MYO5B: variants seen among roughly 807,000 people sequenced by gnomAD.
MYO5B encodes the protein unconventional myosin-Vb.
In MYO5B, 143 loss-of-function variants were observed where a neutral mutation model predicts 229.3. That is an observed-to-expected ratio of 0.62 (90% CI 0.54 to 0.72). MYO5B has a LOEUF of 0.72. MYO5B is among the 30% of genes least tolerant of loss of function. MYO5B has a pLI of 0.00. For missense variants in MYO5B, 2,321 were observed against 2,331.0 expected (o/e 1.00, Z 0.09); for synonymous variants, 918 against 885.2 (o/e 1.04, Z -0.66).
chr18:49,978,210 G>A (rs1395497763), intron 9 of MYO5B, among the ~76,000 whole-genome samples: 1 of 152,068 alleles, frequency 6.6e-6, no homozygotes, highest in Non-Finnish European at 1.5e-5. Context: ...GCCTCCCTAA[G>A]AGGCCCTGAT....
At chr18:50,137,343 A>C (rs2032351831) in intron 1 of MYO5B, among the ~76,000 whole-genome samples, 1 of 152,208 alleles carries the variant, frequency 6.6e-6, no homozygotes, top group African/African-American at 2.4e-5. Context: ...AAACCCAAAG[A>C]TGACTAAGAC....
At chr18:49,948,324 G>A (rs772861776) in intron 14 of MYO5B, among the ~76,000 whole-genome samples, 1 of 152,130 alleles carries the variant, frequency 6.6e-6, no homozygotes, top group Non-Finnish European at 1.5e-5. Context: ...GGTACCCTTT[G>A]GAGGGAAAAA....
At chr18:50,022,286 C>T (rs76061666) in intron 4 of MYO5B, among the ~76,000 whole-genome samples, 68 of 152,338 alleles carry the variant, frequency 4.5e-4, no homozygotes, top group Non-Finnish European at 8.2e-4. Context: ...TGTGATTCCA[C>T]TGCCAAATCT....
chr18:50,122,626 AGGG>A (rs150715257), intron 1 of MYO5B, among the ~76,000 whole-genome samples: 4,134 of 8,842 alleles, frequency 0.47, 726 homozygotes, highest in Middle Eastern at 0.58. Flanking sequence ...GAGGGAGGGA[AGGG>A]GGGGGGAGAG....
intron 13 of MYO5B, 70 bp from the exon 14 acceptor site, chr18:49,953,413 C>T: frequency 7.4e-7 from 1 of 1,358,450 alleles, no homozygotes. Context: ...ACTTTCATCT[C>T]ATCCAGGTAG....
rs374498424 is a variant in MYO5B, at chr18:49,936,779, T to C, written c.1906-430A>G. Among the ~76,000 whole-genome samples the C allele has an allele frequency of 8.5e-5, 13 of 152,268 alleles. 1 individual carries two copies. The South Asian group carries it at 1.5e-3, about 17-fold the overall frequency. Reference sequence around the variant, plus strand: ...CTAAATGTCCAGAATGGCAAACTCATAGGAACAAATGTTAGGTGGTGGCTG... The same window carrying C: ...CTAAATGTCCAGAATGGCAAACTCACAGGAACAAATGTTAGGTGGTGGCTG... On this transcript the variant is annotated intron_variant, in intron 15 of 39. Transcript: ENST00000285039.
At chr18:49,975,522 T>C (rs533972521) in intron 9 of MYO5B, among the ~76,000 whole-genome samples, 1 of 152,256 alleles carries the variant, frequency 6.6e-6, no homozygotes, top group South Asian at 2.1e-4. Flanking sequence ...GCTAAAATCA[T>C]AGAAACTGAA....
Position 50,016,647 on chromosome 18 carries a change from A to G in MYO5B, c.456-15236T>C, listed in dbSNP as rs184800865. On this transcript the variant is annotated intron_variant, in intron 4 of 39. Transcript: ENST00000285039. ...CCAAATCTGTCACTTTGCCTTATTTATGGTGACATCTGAGATGTAATTCAT... is the reference window on the plus strand; with the variant it reads ...CCAAATCTGTCACTTTGCCTTATTTGTGGTGACATCTGAGATGTAATTCAT... Among the ~76,000 whole-genome samples the G allele has an allele frequency of 5.9e-5, 9 of 152,296 alleles. No individual in the cohort carries two copies. The East Asian group carries it at 1.7e-3, about 29-fold the overall frequency.
In MYO5B at chr18:50,169,851, C is replaced by T. The variant is rs2032901823; in HGVS notation, c.27+24916G>A. Among the ~76,000 whole-genome samples, 3 of 126,732 alleles carry T rather than the reference C, an allele frequency of 2.4e-5. 1 individual carries two copies. Among genetic ancestry groups the T allele is most frequent in the Admixed American group, 1.7e-4 (2 of 11,844 alleles). 83.1% of individuals were successfully genotyped at this position (126,732 alleles called of 152,430 possible). A position where few individuals can be genotyped will look rare whatever the true frequency, so the allele number is the denominator to read the frequency against. On this transcript the variant is annotated intron_variant, in intron 1 of 39. Coordinates refer to ENST00000285039, the MANE Select transcript of MYO5B (RefSeq NM_001080467.3). ...TTCCACTTGCTTTCCACCTAGAATA[C>T]AGATGTGAGGATCAAGTCCCATGAT... is the stretch of plus-strand genomic sequence containing the variant.
chr18:50,167,724 G>A (rs1035389110), intron 1 of MYO5B, among the ~76,000 whole-genome samples: 2 of 152,086 alleles, frequency 1.3e-5, no homozygotes, highest in African/African-American at 4.8e-5. Context: ...TTCCCCAGCT[G>A]AGAAAGGCAA....
chr18:50,013,619 C>T (rs955944059), intron 4 of MYO5B, among the ~76,000 whole-genome samples: 3 of 152,172 alleles, frequency 2.0e-5, no homozygotes, highest in Admixed American at 6.5e-5. Context: ...TGCCCTCTCT[C>T]GAGTGTCCTT....
intron 1 of MYO5B, among the ~76,000 whole-genome samples, chr18:50,111,326 A>G (rs1233202710): frequency 1.3e-5 from 2 of 152,222 alleles, no homozygotes; most frequent in Non-Finnish European, 2.9e-5. Context: ...CTATTCATAA[A>G]ACTACAAAAT....
At chr18:50,053,395 A>G (rs1235239390) in intron 2 of MYO5B, among the ~76,000 whole-genome samples, 3 of 152,204 alleles carry the variant, frequency 2.0e-5, no homozygotes, top group African/African-American at 7.2e-5. Context: ...TTTTAGCAAC[A>G]TGGCAGATCA....
intron 1 of MYO5B, among the ~76,000 whole-genome samples, chr18:50,088,704 T>C (rs952572525): frequency 3.3e-5 from 5 of 152,212 alleles, no homozygotes; most frequent in African/African-American, 1.2e-4. Flanking sequence ...AATGTATGCA[T>C]TCACACATGT....
chr18:49,939,148 C>CTTTTTTTTTTT (rs11313115), intron 14 of MYO5B, among the ~76,000 whole-genome samples: 52 of 119,028 alleles, frequency 4.4e-4, no homozygotes, highest in Admixed American at 5.8e-4. Flanking sequence ...TCTTTTTTTT[C>CTTTTTTTTTTT]TTTTTTTTTT....
At chr18:50,150,252 A>G (rs1178784631) in intron 1 of MYO5B, among the ~76,000 whole-genome samples, 2,268 of 144,302 alleles carry the variant, frequency 0.016, 54 homozygotes, top group African/African-American at 0.052. Context: ...AAACTAGTTC[A>G]ACCATTGTGG....
At position 49,932,185 on chromosome 18, in the gene MYO5B, G is replaced by C. The variant is rs969014481; in HGVS notation, c.2004-2587C>G. The stretch of plus-strand genomic sequence containing the variant: ...ATCTGTCCCCTCCCTCTCTGTTCTG[G>C]TATCCCCACATCATGCTTCCTGACC... On this transcript the variant is annotated intron_variant, in intron 16 of 39. Transcript: ENST00000285039. 9.2e-5 allele frequency among the ~76,000 whole-genome samples: 14 copies of C among 152,176 alleles called. No individual in the cohort carries two copies. The South Asian group carries it at 2.9e-3, about 32-fold the overall frequency.
chr18:50,124,701 C>T (rs1027936590), intron 1 of MYO5B, among the ~76,000 whole-genome samples: 3 of 151,964 alleles, frequency 2.0e-5, no homozygotes, highest in Non-Finnish European at 4.4e-5. Context: ...AATCTTTCCC[C>T]CCTGGTGCCC....
At chr18:49,830,980 A>C (rs1011640203) in intron 39 of MYO5B, among the ~76,000 whole-genome samples, 3 of 143,344 alleles carry the variant, frequency 2.1e-5, no homozygotes, top group African/African-American at 7.3e-5. Context: ...GCCCAGAAAA[A>C]AAAAAAACCC....
Sources: allele counts gnomAD v4.1 joint callset (sites outside exome capture counted in the v4.1 genomes callset), GRCh38; gene constraint gnomAD v4.1.1; transcripts MANE v1.5; gene names NCBI Gene and HGNC (gene_info 2026-07-23, HGNC 2026-07-21).